The following GRM1 variants were observed in gnomAD, a reference collection of about 807,000 sequenced individuals.
GRM1 encodes metabotropic glutamate receptor 1.
In GRM1, 33 loss-of-function variants were observed where a neutral mutation model predicts 90.9. The observed-to-expected ratio is 0.36, with a 90% confidence interval of 0.28 to 0.49. The LOEUF is 0.49. Among genes scored for constraint, GRM1 ranks in the 20% least tolerant of loss-of-function variants. The probability of loss-of-function intolerance (pLI) is 0.99; values close to 1 mark genes in which losing one functional copy is unlikely to be tolerated. For missense variants in GRM1, 1,190 were observed against 1,534.3 expected (o/e 0.78, Z 3.75); for synonymous variants, 700 against 613.2 (o/e 1.14, Z -2.09).
At chr6:146,109,535 T>C (rs1371944818) in intron 1 of GRM1, among the ~76,000 whole-genome samples, 4 of 152,018 alleles carry the variant, frequency 2.6e-5, no homozygotes, top group Admixed American at 6.6e-5. Context: ...AGGGACAGGG[T>C]CCTCATGGAG....
chr6:146,131,958 A>G (rs1363030212), intron 1 of GRM1, among the ~76,000 whole-genome samples: 10 of 152,214 alleles, frequency 6.6e-5, no homozygotes. Flanking sequence ...TGGATGATGA[A>G]TAGGAGTAAG....
chr6:146,223,956 A>T (rs1046954401), intron 2 of GRM1, among the ~76,000 whole-genome samples: 3 of 152,062 alleles, frequency 2.0e-5, no homozygotes, highest in African/African-American at 7.2e-5. Context: ...CAGGCATATA[A>T]TGTAGTTTCC....
intron 3 of GRM1, among the ~76,000 whole-genome samples, chr6:146,308,959 G>A (rs878959709): frequency 1.3e-5 from 2 of 151,786 alleles, no homozygotes; most frequent in African/African-American, 4.8e-5. Flanking sequence ...TTCTATTTAG[G>A]CTGTTTTTGC....
chr6:146,396,356 T>C (rs772154063), intron 6 of GRM1, among the ~76,000 whole-genome samples: 5 of 152,124 alleles, frequency 3.3e-5, no homozygotes, highest in Non-Finnish European at 7.4e-5. Flanking sequence ...CAACACACAA[T>C]CACTAAAATA....
rs1021549243 is a variant in GRM1, at chr6:146,054,950, C to T, written c.700+24733C>T. On this transcript the variant is annotated intron_variant, in intron 1 of 7. Coordinates refer to ENST00000282753, the MANE Select transcript of GRM1 (RefSeq NM_001278064.2). ...GGGTGTGGAGGGCAAGTGATGGGTG[C>T]GGGTAATAATTGGGGGTGGAGGGGA... 1.1e-4 allele frequency among the ~76,000 whole-genome samples: 16 copies of T among 151,404 alleles called. No individual in the cohort carries two copies. In the South Asian group the frequency reaches 1.5e-3, roughly 14 times the overall value.
At chr6:146,309,508 A>G (rs1206314314) in intron 3 of GRM1, among the ~76,000 whole-genome samples, 2 of 152,074 alleles carry the variant, frequency 1.3e-5, no homozygotes, top group Admixed American at 6.5e-5. Flanking sequence ...ATTTTGCATA[A>G]TTATCATCAC....
chr6:146,269,966 T>TAA (rs56387936), intron 2 of GRM1, among the ~76,000 whole-genome samples: 2 of 138,646 alleles, frequency 1.4e-5, no homozygotes, highest in Non-Finnish European at 1.6e-5. Flanking sequence ...AATGTTTAAA[T>TAA]AAAAAAAAAA....
At chr6:146,401,092 T>G (rs1214113330) in intron 7 of GRM1, among the ~76,000 whole-genome samples, 1 of 152,164 alleles carries the variant, frequency 6.6e-6, no homozygotes, top group East Asian at 1.9e-4. Context: ...ATCTTTACTT[T>G]CCAAGAAGCA....
intron 2 of GRM1, among the ~76,000 whole-genome samples, chr6:146,213,684 TTAGATAGATAGATAGATAGATAGATAGA>T (rs750265154): frequency 1.4e-5 from 2 of 146,316 alleles, no homozygotes; most frequent in Non-Finnish European, 3.0e-5. Context: ...GATGGAAAGA[TTAGATAGATAGATAGATAGATAGATAGA>T]TAGATAGATA....
At chr6:146,391,913 T>G (rs1262161555) in intron 6 of GRM1, among the ~76,000 whole-genome samples, 1 of 152,082 alleles carries the variant, frequency 6.6e-6, no homozygotes, top group Non-Finnish European at 1.5e-5. Context: ...AAACTGCTAC[T>G]GTTACAACAC....
rs578129953 is a variant in GRM1, at chr6:146,031,677, C to T, written c.700+1460C>T. ...GCGTATCTCTTTTTGAACAAAAATT[C>T]ATTACTTTTTTAAGACTCAAAGTAT... On this transcript the variant is annotated intron_variant, in intron 1 of 7. Transcript: ENST00000282753. Among the ~76,000 whole-genome samples the T allele has an allele frequency of 5.9e-5, 9 of 152,146 alleles. No individual in the cohort carries two copies. The South Asian group carries it at 1.0e-3, about 18-fold the overall frequency.
intron 5 of GRM1, among the ~76,000 whole-genome samples, chr6:146,364,420 C>A (rs1446702257): frequency 6.6e-6 from 1 of 152,190 alleles, no homozygotes; most frequent in Non-Finnish European, 1.5e-5. Flanking sequence ...TGATTACTAC[C>A]TGATTGGCAC....
rs370792541 is a variant in GRM1 at position 146,398,850 on chromosome 6, T to A, written c.1811T>A (p.Ile604Asn). 1 of 1,613,878 alleles carries A rather than the reference T, an allele frequency of 6.2e-7. No homozygotes were observed. The highest frequency in any genetic ancestry group is 8.5e-7 in the Non-Finnish European group (1 of 1,179,798). ...IIAIAFSCLG[I>N]LVTLFVTLIF... Reference sequence around the variant, plus strand: ...GCCATCGCCTTTTCATGCCTGGGAATCCTTGTTACCTTGTTTGTCACCCTA... The same window carrying A: ...GCCATCGCCTTTTCATGCCTGGGAAACCTTGTTACCTTGTTTGTCACCCTA... The change falls in exon 7 of 8, where the codon ATC (isoleucine) becomes AAC (asparagine). Residue 604 changes from isoleucine (I) to asparagine (N), a missense_variant. Physicochemically the swap from Ile to Asn is moderately radical, Grantham distance 149 (BLOSUM62 -3). Around this residue, in one of 10 missense-constraint regions of GRM1, gnomAD observed 414 missense variants for 598.4 expected, o/e 0.69. Coordinates refer to ENST00000282753, the MANE Select transcript of GRM1 (RefSeq NM_001278064.2).
chr6:146,365,077 C>T (rs943257962), intron 5 of GRM1: 3 of 152,110 alleles, frequency 2.0e-5, no homozygotes, highest in African/African-American at 7.2e-5. Flanking sequence ...TGCAAAATGG[C>T]AAGTTCTGAG....
chr6:146,405,039 CTT>C (rs1194751690), intron 7 of GRM1, among the ~76,000 whole-genome samples: 1 of 152,122 alleles, frequency 6.6e-6, no homozygotes, highest in Non-Finnish European at 1.5e-5. Context: ...AAATAGGACT[CTT>C]ATGATTTGAG....
chr6:146,353,291 A>G (rs1010689400), intron 4 of GRM1, among the ~76,000 whole-genome samples: 1 of 152,176 alleles, frequency 6.6e-6, no homozygotes, highest in Non-Finnish European at 1.5e-5. Context: ...ACCTTCAGGA[A>G]GAAGGAAAAA....
intron 2 of GRM1, among the ~76,000 whole-genome samples, chr6:146,269,924 T>C (rs1782049579): frequency 6.6e-6 from 1 of 151,342 alleles, no homozygotes; most frequent in Non-Finnish European, 1.5e-5. Context: ...GTGCAATAAA[T>C]ACTTGCTAAA....
intron 1 of GRM1, among the ~76,000 whole-genome samples, chr6:146,108,308 A>G (rs914883967): frequency 1.3e-5 from 2 of 152,114 alleles, no homozygotes; most frequent in Non-Finnish European, 2.9e-5. Flanking sequence ...TAACTCCCAC[A>G]ATTCCCATGT....
intron 2 of GRM1, among the ~76,000 whole-genome samples, chr6:146,211,856 C>A (rs1779698209): frequency 6.6e-6 from 1 of 152,098 alleles, no homozygotes; most frequent in Admixed American, 6.5e-5. Context: ...ACCCAGAGAA[C>A]AACACATGTA....
Sources: gnomAD v4.1 joint callset for allele counts (sites outside exome capture counted in the v4.1 genomes callset) on GRCh38, gnomAD v4.1.1 for gene constraint, gnomAD v4.1.1 regional missense constraint, MANE v1.5 for transcripts, NCBI Gene and HGNC (gene_info 2026-07-23, HGNC 2026-07-21) for gene names.